PTPRN2: variants seen among roughly 807,000 people sequenced by gnomAD.
PTPRN2 encodes receptor-type tyrosine-protein phosphatase N2.
Under a neutral mutation model 118.8 loss-of-function variants are expected in PTPRN2, and 74 were observed. The observed-to-expected ratio is 0.62, with a 90% CI of 0.52 to 0.76. The LOEUF (loss-of-function observed/expected upper bound fraction) is 0.76. Ranked by LOEUF, PTPRN2 falls within the 30% of genes least tolerant of loss-of-function variation. PTPRN2 has a pLI of 0.00. For synonymous variants in PTPRN2, 641 were observed against 608.0 expected, an observed-to-expected ratio of 1.05 and a Z score of -0.80; for missense variants, 1,481 against 1,394.4, an observed-to-expected ratio of 1.06 and a Z score of -0.99.
chr7:157,771,343 T>C (rs1641125207), intron 12 of PTPRN2, among the ~76,000 whole-genome samples: 1 of 152,256 alleles, frequency 6.6e-6, no homozygotes, highest in South Asian at 2.1e-4. Flanking sequence ...GATAATTTGC[T>C]ATGCAGATAT....
chr7:158,498,632 T>C (rs553731964), intron 1 of PTPRN2, among the ~76,000 whole-genome samples: 1 of 152,344 alleles, frequency 6.6e-6, no homozygotes, highest in Admixed American at 6.5e-5. Flanking sequence ...GGATGTTTGC[T>C]GAGTCATTCT....
At chr7:158,000,418 C>CGTGAAA (rs1045295895) in intron 11 of PTPRN2, among the ~76,000 whole-genome samples, 2 of 152,108 alleles carry the variant, frequency 1.3e-5, no homozygotes, top group Admixed American at 1.3e-4. Context: ...TCACCCAACA[C>CGTGAAA]GTGAAAGCCG....
intron 22 of PTPRN2, among the ~76,000 whole-genome samples, chr7:157,545,070 TGG>T (rs1455242800): frequency 2.8e-5 from 4 of 143,832 alleles, no homozygotes; most frequent in African/African-American, 1.0e-4. Flanking sequence ...GCAGTGTGCA[TGG>T]GTGTGTGTGT....
At chr7:157,967,811 A>G (rs952340082) in intron 11 of PTPRN2, among the ~76,000 whole-genome samples, 2 of 152,228 alleles carry the variant, frequency 1.3e-5, no homozygotes, top group African/African-American at 2.4e-5. Flanking sequence ...ATGAATGATC[A>G]GGAAAAATAA....
chr7:158,175,554 G>C (rs563066118), intron 5 of PTPRN2, among the ~76,000 whole-genome samples: 2 of 152,290 alleles, frequency 1.3e-5, no homozygotes, highest in African/African-American at 4.8e-5. Flanking sequence ...TGGCCCACTC[G>C]TGTGGAGGGG....
intron 16 of PTPRN2, among the ~76,000 whole-genome samples, chr7:157,601,008 T>A (rs1215894696): frequency 8.5e-5 from 13 of 152,216 alleles, no homozygotes; most frequent in Admixed American, 8.5e-4. Flanking sequence ...TTTTTACACG[T>A]CACTGGGAGT....
chr7:158,135,107 T>C (rs1221099249), intron 8 of PTPRN2, among the ~76,000 whole-genome samples: 2 of 152,208 alleles, frequency 1.3e-5, no homozygotes, highest in Non-Finnish European at 2.9e-5. Flanking sequence ...AAGTCTTATG[T>C]CTACTTGGCA....
rs1464433901 is a variant in PTPRN2 at position 158,093,169 on chromosome 7, A to G, written c.1644-11792T>C. On this transcript the variant is annotated intron_variant, in intron 10 of 22. Coordinates refer to ENST00000389418, the MANE Select transcript of PTPRN2 (RefSeq NM_002847.5). The surrounding 1 kb of genome is among the most constrained non-coding windows in gnomAD (Gnocchi z 4.4). ...GCCGCTGGACCGACCCCCACACCAT[A>G]GACCCACACGCAGGCCTGCACCTCT... is the stretch of plus-strand genomic sequence containing the variant. Among the ~76,000 whole-genome samples the G allele has an allele frequency of 6.2e-5, 8 of 129,888 alleles. No individual in the cohort carries two copies. The highest frequency in any genetic ancestry group is 2.6e-4 in the South Asian group (1 of 3,900). The allele number at this position is 129,888 out of a possible 152,430, so 85.2% of individuals were successfully genotyped here.
chr7:158,156,773 C>T (rs1402097540), intron 6 of PTPRN2, among the ~76,000 whole-genome samples: 1 of 152,266 alleles, frequency 6.6e-6, no homozygotes, highest in Non-Finnish European at 1.5e-5. Context: ...GCGGAAGCAT[C>T]ACCATGTAAT....
chr7:158,334,760 A>G (rs62480931), intron 2 of PTPRN2, among the ~76,000 whole-genome samples: 7 of 30,990 alleles, frequency 2.3e-4, no homozygotes, highest in African/African-American at 3.4e-4. Flanking sequence ...GCCCGCAGAC[A>G]TCACTCACAC....
At chr7:157,648,630 G>T (rs1805327923) in intron 14 of PTPRN2, among the ~76,000 whole-genome samples, 1 of 138,700 alleles carries the variant, frequency 7.2e-6, no homozygotes, top group Non-Finnish European at 1.5e-5. Context: ...GAACTCGGTG[G>T]GTTGGACCCA....
At chr7:158,390,949 C>T (rs1247178121) in intron 2 of PTPRN2, among the ~76,000 whole-genome samples, 1 of 152,176 alleles carries the variant, frequency 6.6e-6, no homozygotes, top group Non-Finnish European at 1.5e-5. Context: ...GCTCTGTCCG[C>T]TGTCAGGGCC....
chr7:157,979,090 A>G (rs1253077240), intron 11 of PTPRN2, among the ~76,000 whole-genome samples: 1 of 151,942 alleles, frequency 6.6e-6, no homozygotes, highest in African/African-American at 2.4e-5. Context: ...CCTACCTGCC[A>G]TCTCCCATCG....
In PTPRN2 at chr7:158,587,612, G is replaced by T; in HGVS notation, c.58C>A (p.Leu20Met). The change falls in exon 1 of 23, where the codon CTG becomes ATG. Residue 20 changes from leucine to methionine, a missense_variant. By Grantham distance (15) the Leu-to-Met change is conservative. Transcript: ENST00000389418. ...LLLLLLPPRV[L>M]PAAPSSVPRG... ...GGGACGGACGAAGGGGCGGCAGGCA[G>T]GACGCGTGGCGGCAGCAGCAGCAGT... The T allele has an allele frequency of 7.3e-7, 1 of 1,362,176 alleles. No homozygotes were observed. 84.4% of individuals were successfully genotyped at this position (1,362,176 alleles called of 1,614,324 possible). A position where few individuals can be genotyped will look rare whatever the true frequency, so the allele number is the denominator to read the frequency against.
At position 157,610,309 on chromosome 7, in the gene PTPRN2, C is replaced by T. The variant is rs954466898; in HGVS notation, c.2345-6234G>A. 6.6e-6 allele frequency among the ~76,000 whole-genome samples: 1 copy of T among 152,222 alleles called. No individual in the cohort carries two copies. Among genetic ancestry groups the T allele is most frequent in the African/African-American group, 2.4e-5 (1 of 41,460 alleles). Reference sequence around the variant, plus strand: ...CTTCCACTCAGGGGTCTCAGGTGTTCTCTCGGGCTCTCCAACTGCCTCTGC... The same window carrying T: ...CTTCCACTCAGGGGTCTCAGGTGTTTTCTCGGGCTCTCCAACTGCCTCTGC... On this transcript the variant is annotated intron_variant, in intron 15 of 22. Coordinates refer to ENST00000389418, the MANE Select transcript of PTPRN2 (RefSeq NM_002847.5). This position sits in a 1 kb window ranked among gnomAD's most constrained non-coding sequence, Gnocchi z 5.1.
intron 17 of PTPRN2, among the ~76,000 whole-genome samples, chr7:157,584,134 C>G (rs1423520434): frequency 2.0e-5 from 3 of 152,148 alleles, no homozygotes; most frequent in African/African-American, 7.2e-5. Flanking sequence ...GATCCCATCT[C>G]TGAAAAACAA....
chr7:158,414,484 G>T (rs1814478620), intron 2 of PTPRN2, among the ~76,000 whole-genome samples: 1 of 152,134 alleles, frequency 6.6e-6, no homozygotes. Context: ...TACAGTAATT[G>T]CATCTGTGAG....
rs146355030 is a variant in PTPRN2 at position 157,828,700 on chromosome 7, G to C, written c.1788+69973C>G. Among the ~76,000 whole-genome samples, 607 of 152,326 alleles carry C rather than the reference G, an allele frequency of 4.0e-3. 2 individuals are homozygous for C. Among genetic ancestry groups the C allele is most frequent in the African/African-American group, 0.014 (574 of 41,576 alleles). ...GTTTATGAGACATTCAACAAAACCA[G>C]GTAAACTGAAATCTATGGCAAAGTA... On this transcript the variant is annotated intron_variant, in intron 12 of 22. Coordinates refer to ENST00000389418, the MANE Select transcript of PTPRN2 (RefSeq NM_002847.5).
rs138301532 is a variant in PTPRN2 at position 157,764,046 on chromosome 7, C to T, written c.1789-81109G>A. ...TGTGGAGGCTAGGAGAGGCCATGCA[C>T]GCACCCTCTAGGATGGCCGTAACTA... On this transcript the variant is annotated intron_variant, in intron 12 of 22. Coordinates refer to ENST00000389418, the MANE Select transcript of PTPRN2 (RefSeq NM_002847.5). This position sits in a 1 kb window ranked among gnomAD's most constrained non-coding sequence, Gnocchi z 4.5. Among the ~76,000 whole-genome samples the T allele has an allele frequency of 1.2e-4, 19 of 152,286 alleles. No homozygotes were observed. In the East Asian group the frequency reaches 3.1e-3, roughly 25 times the overall value.
Sources: allele counts gnomAD v4.1 joint callset (sites outside exome capture counted in the v4.1 genomes callset), GRCh38; gene constraint gnomAD v4.1.1; non-coding constraint Gnocchi (gnomAD v3.1); transcripts MANE v1.5; gene names NCBI Gene and HGNC (gene_info 2026-07-23, HGNC 2026-07-21).